PTPRT: variants seen among roughly 807,000 people sequenced by gnomAD.
PTPRT encodes receptor-type tyrosine-protein phosphatase T.
In PTPRT, 56 loss-of-function variants were observed where a neutral mutation model predicts 176.8. The ratio of observed to expected loss-of-function variants is 0.32; its 90% CI spans 0.26 to 0.40. PTPRT has a LOEUF of 0.40. Ranked by LOEUF, PTPRT falls within the 10% of genes least tolerant of loss-of-function variation. The pLI, the probability that PTPRT is intolerant of heterozygous loss-of-function variation, is 1.00. For synonymous variants in PTPRT, 783 were observed against 739.0 expected (o/e 1.06, Z -0.96); for missense variants, 1,540 against 1,908.2 (o/e 0.81, Z 3.60).
At chr20:43,041,880 A>G (rs1986620890) in intron 1 of PTPRT, among the ~76,000 whole-genome samples, 1 of 152,378 alleles carries the variant, frequency 6.6e-6, no homozygotes, top group South Asian at 2.1e-4. Context: ...AATATGTCCC[A>G]CAAGGCCTAA....
intron 20 of PTPRT, among the ~76,000 whole-genome samples, chr20:42,119,728 C>T (rs1426763363): frequency 6.6e-6 from 1 of 152,198 alleles, no homozygotes; most frequent in Non-Finnish European, 1.5e-5. Context: ...TGAACAATCT[C>T]AAGGACCTCT....
At chr20:42,922,779 GC>G (rs749893703) in intron 1 of PTPRT, among the ~76,000 whole-genome samples, 56 of 152,130 alleles carry the variant, frequency 3.7e-4, no homozygotes, top group Non-Finnish European at 6.8e-4. Context: ...GCCTAGATTA[GC>G]TGAGGGTCAC....
At chr20:43,137,121 A>G (rs1302421674) in intron 1 of PTPRT, among the ~76,000 whole-genome samples, 2 of 152,076 alleles carry the variant, frequency 1.3e-5, no homozygotes, top group African/African-American at 4.8e-5. Context: ...ATCCTTCCTA[A>G]CCAACCCTTA....
intron 7 of PTPRT, among the ~76,000 whole-genome samples, chr20:42,490,308 T>C (rs2071539558): frequency 6.6e-6 from 1 of 152,180 alleles, no homozygotes; most frequent in Non-Finnish European, 1.5e-5. Context: ...ATTAAATTCA[T>C]AGATAAATTC....
intron 1 of PTPRT, among the ~76,000 whole-genome samples, chr20:43,092,998 T>C (rs1292720101): frequency 1.3e-5 from 2 of 152,236 alleles, no homozygotes; most frequent in East Asian, 3.8e-4. Flanking sequence ...ACTGTACATT[T>C]AAAAAGCTAA....
At chr20:42,946,251 CCAAA>C (rs1194953262) in intron 1 of PTPRT, among the ~76,000 whole-genome samples, 3 of 152,126 alleles carry the variant, frequency 2.0e-5, no homozygotes, top group Admixed American at 1.3e-4. Context: ...GAACTTGCCC[CCAAA>C]CAATGAATCA....
intron 27 of PTPRT, among the ~76,000 whole-genome samples, chr20:42,093,802 C>A (rs1984897199): frequency 6.6e-6 from 1 of 152,216 alleles, no homozygotes; most frequent in Non-Finnish European, 1.5e-5. Flanking sequence ...AAGAACCGCC[C>A]CTCCAGGTGC....
At chr20:42,997,932 G>C (rs1466104174) in intron 1 of PTPRT, among the ~76,000 whole-genome samples, 1 of 152,096 alleles carries the variant, frequency 6.6e-6, no homozygotes, top group African/African-American at 2.4e-5. Context: ...GAGCTGGAAG[G>C]CTGGAGTATC....
At chr20:43,106,032 C>T (rs2012590941) in intron 1 of PTPRT, among the ~76,000 whole-genome samples, 1 of 152,088 alleles carries the variant, frequency 6.6e-6, no homozygotes, top group African/African-American at 2.4e-5. Context: ...CCTGGGGAGG[C>T]AGCCCCAGAC....
At chr20:42,842,009 C>T (rs1289417146) in intron 2 of PTPRT, among the ~76,000 whole-genome samples, 1 of 150,498 alleles carries the variant, frequency 6.6e-6, no homozygotes, top group African/African-American at 2.5e-5. Context: ...ACAGGAACCA[C>T]GTTCATTCTA....
At chr20:42,661,676 G>A (rs1249947601) in intron 7 of PTPRT, among the ~76,000 whole-genome samples, 1 of 152,124 alleles carries the variant, frequency 6.6e-6, no homozygotes, top group Non-Finnish European at 1.5e-5. Context: ...CTCTCTGGTG[G>A]ATTCCCATTG....
rs62204930 is a variant in PTPRT, at chr20:42,479,235, C to G, written c.1154-6673G>C. Among the ~76,000 whole-genome samples the G allele has an allele frequency of 7.9e-3, 1,198 of 152,282 alleles. 11 individuals carry two copies. Among genetic ancestry groups the G allele is most frequent in the Middle Eastern group, 0.014 (4 of 294 alleles). On this transcript the variant is annotated intron_variant, in intron 7 of 30. Coordinates refer to ENST00000373187, the MANE Select transcript of PTPRT (RefSeq NM_007050.6). ...GTATTCATGTTTGCATGTGGAGTTGCCTGTAGCATATGTACTGTTCAAAGT... is the reference window on the plus strand; with the variant it reads ...GTATTCATGTTTGCATGTGGAGTTGGCTGTAGCATATGTACTGTTCAAAGT...
chr20:42,999,822 G>T (rs922801487), intron 1 of PTPRT, among the ~76,000 whole-genome samples: 7 of 151,750 alleles, frequency 4.6e-5, no homozygotes, highest in African/African-American at 1.5e-4. Flanking sequence ...AAATAAAAAT[G>T]ACTCTGAGCC....
intron 9 of PTPRT, among the ~76,000 whole-genome samples, chr20:42,404,954 G>A (rs2058944469): frequency 2.1e-5 from 1 of 46,576 alleles, no homozygotes; most frequent in Non-Finnish European, 4.7e-5. Context: ...GTAAGCATGT[G>A]AATAGAGGGC....
intron 7 of PTPRT, among the ~76,000 whole-genome samples, chr20:42,621,630 G>C (rs2074198751): frequency 6.6e-6 from 1 of 152,078 alleles, no homozygotes; most frequent in Non-Finnish European, 1.5e-5. Context: ...TTTTCCTTCT[G>C]GATTTGCTGT....
At chr20:42,452,908 C>G (rs1473556310) in intron 8 of PTPRT, among the ~76,000 whole-genome samples, 2 of 152,184 alleles carry the variant, frequency 1.3e-5, no homozygotes, top group Non-Finnish European at 2.9e-5. Flanking sequence ...ACAATTTTCT[C>G]AATTGTAAAG....
At chr20:42,812,812 T>C (rs1358703066) in intron 2 of PTPRT, among the ~76,000 whole-genome samples, 1 of 152,158 alleles carries the variant, frequency 6.6e-6, no homozygotes, top group Non-Finnish European at 1.5e-5. Flanking sequence ...CATGTAAACC[T>C]CTAAATAAAT....
intron 2 of PTPRT, among the ~76,000 whole-genome samples, chr20:42,845,612 C>T (rs891435205): frequency 1.3e-5 from 2 of 152,076 alleles, no homozygotes; most frequent in Non-Finnish European, 1.5e-5. Context: ...GGTCACACAG[C>T]CCACCTGCTG....
At chr20:43,112,209 A>G (rs553705272) in intron 1 of PTPRT, among the ~76,000 whole-genome samples, 40 of 152,316 alleles carry the variant, frequency 2.6e-4, no homozygotes, top group African/African-American at 9.1e-4. Flanking sequence ...GCTCCTTCTC[A>G]TCTTTTCAGA....
Sources: gnomAD v4.1 joint callset for allele counts (sites outside exome capture counted in the v4.1 genomes callset) on GRCh38, gnomAD v4.1.1 for gene constraint, MANE v1.5 for transcripts, NCBI Gene and HGNC (gene_info 2026-07-23, HGNC 2026-07-21) for gene names.